Variants in ABI3BP observed in about 807,000 individuals in gnomAD.
ABI3BP encodes the protein ABI family member 3 binding protein, also known as target of Nesh-SH3.
A neutral mutation model predicts 268.6 loss-of-function variants in ABI3BP; 216 were observed. The observed-to-expected ratio is 0.80, with a 90% CI of 0.72 to 0.90. The LOEUF is 0.90. Among genes scored for constraint, ABI3BP ranks in the 40% least tolerant of loss-of-function variants. ABI3BP has a pLI of 0.00. For missense variants in ABI3BP, 2,090 were observed against 2,182.4 expected (o/e 0.96, Z 0.84); for synonymous variants, 730 against 730.0 (o/e 1.00, Z 0.00).
At chr3:100,961,842 C>T (rs915123681) in intron 1 of ABI3BP, among the ~76,000 whole-genome samples, 16 of 152,188 alleles carry the variant, frequency 1.1e-4, no homozygotes, top group African/African-American at 3.6e-4. Flanking sequence ...TCCTCCCAAA[C>T]TAGCAGCCTC....
At chr3:100,951,218 C>T (rs2074839602) in intron 1 of ABI3BP, among the ~76,000 whole-genome samples, 1 of 151,894 alleles carries the variant, frequency 6.6e-6, no homozygotes, top group Non-Finnish European at 1.5e-5. Context: ...CACCCTAATG[C>T]ATCTGCCCTC....
intron 1 of ABI3BP, among the ~76,000 whole-genome samples, chr3:100,970,574 A>G (rs1022219161): frequency 2.0e-5 from 3 of 152,202 alleles, no homozygotes; most frequent in Non-Finnish European, 4.4e-5. Flanking sequence ...TGATCGCTCT[A>G]GAGAGTCCCA....
chr3:100,840,457 A>G lies in ABI3BP; in HGVS notation c.1805-293T>C, dbSNP rs75935724. ...ATAGTCACTCAAAAATATTGAAGGC[A>G]TATGTTCAACAGGAACATGAGAAAG... On this transcript the variant is annotated intron_variant, in intron 22 of 67. Coordinates refer to ENST00000471714, the MANE Select transcript of ABI3BP (RefSeq NM_001375547.2). 9.0e-3 allele frequency among the ~76,000 whole-genome samples: 1,364 copies of G among 152,324 alleles called. 18 individuals carry two copies. Among genetic ancestry groups the G allele is most frequent in the African/African-American group, 0.025 (1,046 of 41,574 alleles).
chr3:100,796,563 G>T, intron 51 of ABI3BP, 95 bp from the exon 52 acceptor site: 1 of 903,700 alleles, frequency 1.1e-6, no homozygotes, highest in Non-Finnish European at 1.6e-6. Flanking sequence ...AAGCATGAAT[G>T]AAGCAAAAGT....
At chr3:100,841,946 TG>T (rs1424673434) in intron 21 of ABI3BP, 51 bp downstream of exon 21, 1 of 1,302,696 alleles carries the variant, frequency 7.7e-7, no homozygotes, top group Non-Finnish European at 1.1e-6. Context: ...AAGTTGAACA[TG>T]GAGAGTGTTA....
At chr3:100,881,065 A>G (rs1200810639) in intron 6 of ABI3BP, among the ~76,000 whole-genome samples, 1 of 152,204 alleles carries the variant, frequency 6.6e-6, no homozygotes, top group Non-Finnish European at 1.5e-5. Context: ...GTTACAAAAC[A>G]TACTGACTCA....
At chr3:100,803,046 C>A (rs1320238819) in intron 51 of ABI3BP, among the ~76,000 whole-genome samples, 1 of 145,714 alleles carries the variant, frequency 6.9e-6, no homozygotes, top group Non-Finnish European at 1.6e-5. Flanking sequence ...GGTGCCACAC[C>A]CCTGGGGCAA....
chr3:100,915,417 C>T lies in ABI3BP; in HGVS notation c.259+10885G>A, dbSNP rs138585933. 6.6e-3 allele frequency among the ~76,000 whole-genome samples: 1,010 copies of T among 152,254 alleles called. 8 individuals are homozygous for T. Among genetic ancestry groups the T allele is most frequent in the African/African-American group, 0.021 (872 of 41,530 alleles). ...TGCCAGACACTGCGAGGACTGCTGC[C>T]GCCATGCCCGGCCAGATGTCATTAT... On this transcript the variant is annotated intron_variant, in intron 2 of 67. Transcript: ENST00000471714.
At position 100,914,423 on chromosome 3, in the gene ABI3BP, C is replaced by T. The variant is rs576633255; in HGVS notation, c.260-11737G>A. ...TGAGCTCATACTAAAGGTTAAACTACTCACAAAAGTGCAGCCAGCCGTACC... is the reference window on the plus strand; with the variant it reads ...TGAGCTCATACTAAAGGTTAAACTATTCACAAAAGTGCAGCCAGCCGTACC... On this transcript the variant is annotated intron_variant, in intron 2 of 67. Transcript: ENST00000471714. The T allele has an allele frequency of 1.1e-3, 493 of 455,738 alleles. 3 individuals are homozygous for T. The highest frequency in any genetic ancestry group is 5.1e-4 in the Non-Finnish European group (115 of 226,624). The allele number at this position is 455,738 out of a possible 1,614,324, so 28.2% of individuals were successfully genotyped here.
chr3:100,805,528 A>C (rs2097682198), intron 50 of ABI3BP, among the ~76,000 whole-genome samples: 1 of 152,142 alleles, frequency 6.6e-6, no homozygotes, highest in Non-Finnish European at 1.5e-5. Flanking sequence ...GATTTCAAAA[A>C]TGCCTTTATA....
At chr3:100,834,034 A>G (rs2098537295) in intron 29 of ABI3BP, among the ~76,000 whole-genome samples, 1 of 152,146 alleles carries the variant, frequency 6.6e-6, no homozygotes, top group African/African-American at 2.4e-5. Flanking sequence ...GCAAGGGTGC[A>G]ATTGTAGCTC....
At chr3:100,877,471 A>T (rs1454801223) in intron 6 of ABI3BP, among the ~76,000 whole-genome samples, 1 of 152,230 alleles carries the variant, frequency 6.6e-6, no homozygotes, top group African/African-American at 2.4e-5. Context: ...TCAGAAGGAC[A>T]TATCCCAGAG....
intron 46 of ABI3BP, among the ~76,000 whole-genome samples, 196 bp from the exon 47 acceptor site, chr3:100,811,995 G>A (rs2097871273): frequency 6.6e-6 from 1 of 152,142 alleles, no homozygotes; most frequent in African/African-American, 2.4e-5. Flanking sequence ...TGAAGGCAGT[G>A]TGCTATGTGG....
chr3:100,778,355 G>A lies in ABI3BP; in HGVS notation c.4262C>T (p.Pro1421Leu), dbSNP rs2096768351. Residue 1421 changes from proline (P) to leucine (L), a missense_variant, in exon 59 of 68, where the codon CCA becomes CTA. By Grantham distance (98) the Pro-to-Leu change is moderately conservative. Transcript: ENST00000471714. Reference protein sequence around the residue: ...KKPGTRRPPLPPRPTHPRRKP... With the variant: ...KKPGTRRPPLLPRPTHPRRKP... The stretch of plus-strand genomic sequence containing the variant: ...TCTTCGTGGGTGTGTAGGTCTGGGT[G>A]GCAAGGGTGGGCGGCGAGTCCCTGG... 1 of 1,610,000 alleles carries A rather than the reference G, an allele frequency of 6.2e-7. No homozygotes were observed. Among genetic ancestry groups the A allele is most frequent in the Non-Finnish European group, 8.5e-7 (1 of 1,178,420 alleles).
chr3:100,956,250 CACACACACACAT>C (rs1236184825), intron 1 of ABI3BP, among the ~76,000 whole-genome samples: 25 of 139,860 alleles, frequency 1.8e-4, no homozygotes, highest in Middle Eastern at 6.9e-3. Flanking sequence ...CACACACACA[CACACACACACAT>C]ATGGCATGTC....
intron 3 of ABI3BP, among the ~76,000 whole-genome samples, chr3:100,902,342 A>C (rs1239562585): frequency 1.3e-5 from 2 of 152,192 alleles, no homozygotes; most frequent in East Asian, 1.9e-4. Context: ...CCTCAAGGAC[A>C]ACCCTATTAT....
At chr3:100,988,583 A>G (rs900887970) in intron 1 of ABI3BP, among the ~76,000 whole-genome samples, 4 of 152,234 alleles carry the variant, frequency 2.6e-5, no homozygotes, top group African/African-American at 9.6e-5. Flanking sequence ...TTATTCTCTC[A>G]TAATTCTTCA....
At chr3:100,752,660 C>T in intron 66 of ABI3BP, 127 bp downstream of exon 66, 1 of 950,306 alleles carries the variant, frequency 1.1e-6, no homozygotes, top group South Asian at 1.8e-5. Flanking sequence ...ACATTTTGCT[C>T]AGAGGAAAAC....
chr3:100,835,118 G>A lies in ABI3BP; in HGVS notation c.2192-345C>T, dbSNP rs557214548. ...CAGGCCTGCCTGCTTTTGGGAGAGC[G>A]TACTAAGAAATTACTTGGCTCAGAC... On this transcript the variant is annotated intron_variant, in intron 28 of 67. Transcript: ENST00000471714. Among the ~76,000 whole-genome samples, 25 of 152,256 alleles carry A rather than the reference G, an allele frequency of 1.6e-4. No individual in the cohort carries two copies. The East Asian group carries it at 1.7e-3, about 11-fold the overall frequency.
Sources: gnomAD v4.1 joint callset for allele counts (sites outside exome capture counted in the v4.1 genomes callset) on GRCh38, gnomAD v4.1.1 for gene constraint, MANE v1.5 for transcripts, NCBI Gene and HGNC (gene_info 2026-07-23, HGNC 2026-07-21) for gene names.